Variants in NLRP3 observed in about 807,000 individuals in gnomAD.
NLRP3 encodes NACHT, LRR and PYD domains-containing protein 3.
Under a neutral mutation model 91.3 loss-of-function variants are expected in NLRP3, and 48 were observed. That is an observed-to-expected ratio of 0.53 (90% CI 0.42 to 0.67). The LOEUF (loss-of-function observed/expected upper bound fraction) is 0.67, where lower values mean the gene tolerates loss of function less well. NLRP3 is among the 30% of genes least tolerant of loss of function. NLRP3 has a pLI of 0.00. For missense variants in NLRP3, 982 were observed against 1,276.9 expected (o/e 0.77, Z 3.52); for synonymous variants, 561 against 507.9 (o/e 1.10, Z -1.41).
Position 247,434,268 on chromosome 1 carries a change from G to A in NLRP3, c.2487G>A (p.Lys829=). Residue 829 remains lysine, a synonymous_variant, in exon 6 of 10, where the codon AAG becomes AAA. Coordinates refer to ENST00000336119, the MANE Select transcript of NLRP3 (RefSeq NM_001243133.2). ...AGCACCTGTTGTGCAATCTGAAGAAGCTCTGGTGAGTCGAGCCCGTTCCCC... is the reference window on the plus strand; with the variant it reads ...AGCACCTGTTGTGCAATCTGAAGAAACTCTGGTGAGTCGAGCCCGTTCCCC... ...GLKHLLCNLK[K]LWLVSCCLTS... 5 of 1,614,202 alleles carry A rather than the reference G, an allele frequency of 3.1e-6. No homozygotes were observed. Among genetic ancestry groups the A allele is most frequent in the Non-Finnish European group, 4.2e-6 (5 of 1,180,014 alleles).
chr1:247,421,587 C>G (rs1288210784), intron 2 of NLRP3, among the ~76,000 whole-genome samples: 1 of 152,166 alleles, frequency 6.6e-6, no homozygotes, highest in Non-Finnish European at 1.5e-5. Context: ...TCAAGAAACC[C>G]ATGAAACAGC....
At chr1:247,443,333 G>A (rs547656078) in intron 7 of NLRP3, among the ~76,000 whole-genome samples, 51 of 152,152 alleles carry the variant, frequency 3.4e-4, no homozygotes, top group Non-Finnish European at 6.2e-4. Flanking sequence ...GGACTCAAGC[G>A]ATCCTCCCAC....
intron 7 of NLRP3, among the ~76,000 whole-genome samples, chr1:247,439,045 C>CATCCATCCGTCCATCT (rs1664018561): frequency 6.6e-6 from 1 of 150,376 alleles, no homozygotes; most frequent in Non-Finnish European, 1.5e-5. Flanking sequence ...TCCATCCATC[C>CATCCATCCGTCCATCT]ATCCATCCAT....
chr1:247,424,122 G>T lies in NLRP3; in HGVS notation c.673G>T (p.Ala225Ser), dbSNP rs1193199652. The T allele has an allele frequency of 9.3e-6, 15 of 1,614,014 alleles. No homozygotes were observed. Among genetic ancestry groups the T allele is most frequent in the Non-Finnish European group, 1.3e-5 (15 of 1,180,040 alleles). Residue 225 changes from alanine (A) to serine (S), a missense_variant, in exon 4 of 10, where the codon GCG (alanine) becomes TCG (serine). By Grantham distance (99) the Ala-to-Ser change is moderately conservative. This residue lies in a region of NLRP3 where 548 missense variants were observed against 713.7 expected (regional missense o/e 0.77). Transcript: ENST00000336119. The surrounding 1 kb of genome is among the most constrained non-coding windows in gnomAD (Gnocchi z 8.1). ...EPVHTVVFQG[A>S]AGIGKTILAR... is the part of the protein sequence containing the mutation. ...TGTGCACACCGTGGTGTTCCAGGGG[G>T]CGGCAGGGATTGGGAAAACAATCCT...
chr1:247,440,030 GTATAGCCTATGGGT>G (rs2103202623), intron 7 of NLRP3, among the ~76,000 whole-genome samples: 1 of 152,350 alleles, frequency 6.6e-6, no homozygotes, highest in South Asian at 2.1e-4. Context: ...TGTGTGTTAG[GTATAGCCTATGGGT>G]TAGGCATAGC....
chr1:247,417,341 C>A (rs1572148193), intron 1 of NLRP3, among the ~76,000 whole-genome samples: 3 of 152,286 alleles, frequency 2.0e-5, no homozygotes, highest in South Asian at 4.1e-4. Flanking sequence ...CCTCATAGAG[C>A]TCTGTGCAGG....
chr1:247,424,703 T>C lies in NLRP3; in HGVS notation c.1254T>C (p.Thr418=). 1 of 1,614,188 alleles carries C rather than the reference T, an allele frequency of 6.2e-7. No individual in the cohort carries two copies. Among genetic ancestry groups the C allele is most frequent in the Non-Finnish European group, 8.5e-7 (1 of 1,180,044 alleles). Residue 418 remains threonine (T), a synonymous_variant, in exon 4 of 10, where the codon ACT becomes ACC. Transcript: ENST00000336119. This position sits in a 1 kb window ranked among gnomAD's most constrained non-coding sequence, Gnocchi z 8.1. ...CCCTGGTCTGCTGGATCGTGTGCAC[T>C]GGACTGAAACAGCAGATGGAGAGTG... The part of the protein sequence containing the change: ...FIPLVCWIVC[T]GLKQQMESGK...
intron 9 of NLRP3, among the ~76,000 whole-genome samples, chr1:247,445,522 GAA>G (rs745715878): frequency 1.7e-4 from 26 of 152,278 alleles, no homozygotes; most frequent in Admixed American, 5.9e-4. Context: ...TTCTAAATGG[GAA>G]AAGAGTGCTC....
In NLRP3 at chr1:247,424,448, C is replaced by A. The variant is rs762774277; in HGVS notation, c.999C>A (p.Leu333=). Residue 333 remains leucine (L), a synonymous_variant, in exon 4 of 10, where the codon CTC becomes CTA. Coordinates refer to ENST00000336119, the MANE Select transcript of NLRP3 (RefSeq NM_001243133.2). The surrounding 1 kb of genome is among the most constrained non-coding windows in gnomAD (Gnocchi z 8.1). ...GGGGAGACATTCTCCTGAGCAGCCT[C>A]ATCAGAAAGAAGCTGCTTCCCGAGG... The part of the protein sequence containing the change: ...AERGDILLSS[L]IRKKLLPEAS... 6 of 1,614,186 alleles carry A rather than the reference C, an allele frequency of 3.7e-6. No homozygotes were observed. The Admixed American group carries it at 1.0e-4, about 27-fold the overall frequency.
intron 7 of NLRP3, among the ~76,000 whole-genome samples, chr1:247,439,045 C>CATCCATCCATCTATCCATCT (rs1553291701): frequency 1.3e-3 from 198 of 150,488 alleles, no homozygotes; most frequent in African/African-American, 4.7e-3. Context: ...TCCATCCATC[C>CATCCATCCATCTATCCATCT]ATCCATCCAT....
At position 247,434,173 on chromosome 1, in the gene NLRP3, C is replaced by A. The variant is rs756392002; in HGVS notation, c.2392C>A (p.Leu798Met). Residue 798 changes from leucine to methionine, a missense_variant, in exon 6 of 10, where the codon CTG becomes ATG. By Grantham distance (15) the Leu-to-Met change is conservative. Transcript: ENST00000336119. Reference protein sequence around the residue: ...ISLVLSSNQKLVELDLSDNAL... With the variant: ...ISLVLSSNQKMVELDLSDNAL... ...CTTGGTCCTCAGCAGCAACCAGAAGCTGGTGGAGCTGGACCTGAGTGACAA... is the reference window on the plus strand; with the variant it reads ...CTTGGTCCTCAGCAGCAACCAGAAGATGGTGGAGCTGGACCTGAGTGACAA... 5 of 1,614,132 alleles carry A rather than the reference C, an allele frequency of 3.1e-6. No homozygotes were observed. The East Asian group carries it at 8.9e-5, about 29-fold the overall frequency.
At chr1:247,448,228 G>C (rs1322401684) in intron 9 of NLRP3, among the ~76,000 whole-genome samples, 177 bp from the exon 10 acceptor site, 2 of 151,190 alleles carry the variant, frequency 1.3e-5, no homozygotes, top group African/African-American at 4.9e-5. Context: ...CGGCGGCGAC[G>C]GCGGCGAGGA....
intron 4 of NLRP3, 105 bp from the exon 5 acceptor site, chr1:247,429,480 G>A (rs1169407393): frequency 5.7e-5 from 73 of 1,275,004 alleles, no homozygotes; most frequent in Non-Finnish European, 7.3e-5. Context: ...CTTAATCCCC[G>A]GAAGGCATTT....
chr1:247,417,430 C>T (rs879285954), intron 1 of NLRP3, among the ~76,000 whole-genome samples: 6 of 152,010 alleles, frequency 3.9e-5, no homozygotes, highest in Non-Finnish European at 7.4e-5. Context: ...ATAACAATTG[C>T]GAATTTTGCA....
At chr1:247,446,930 T>C (rs1175837925) in intron 9 of NLRP3, among the ~76,000 whole-genome samples, 2 of 152,112 alleles carry the variant, frequency 1.3e-5, no homozygotes, top group Non-Finnish European at 2.9e-5. Flanking sequence ...CAAGCCAATA[T>C]TCCCAGAGCT....
Position 247,418,994 on chromosome 1 carries a change from C to T in NLRP3, c.194C>T (p.Ala65Val). ...LMIDFNGEEKAWAMAVWIFAA... is the reference protein window; with the variant it reads ...LMIDFNGEEKVWAMAVWIFAA... ...ATCGACTTCAATGGGGAGGAGAAGGCGTGGGCCATGGCCGTGTGGATCTTC... is the reference window on the plus strand; with the variant it reads ...ATCGACTTCAATGGGGAGGAGAAGGTGTGGGCCATGGCCGTGTGGATCTTC... The change falls in exon 2 of 10, where the codon GCG becomes GTG. Residue 65 changes from alanine (A) to valine (V), a missense_variant. Ala to Val is a moderately conservative substitution (Grantham distance 64). Coordinates refer to ENST00000336119, the MANE Select transcript of NLRP3 (RefSeq NM_001243133.2). The T allele has an allele frequency of 1.2e-6, 2 of 1,613,932 alleles. No individual in the cohort carries two copies. The highest frequency in any genetic ancestry group is 1.7e-6 in the Non-Finnish European group (2 of 1,180,004).
intron 5 of NLRP3, among the ~76,000 whole-genome samples, chr1:247,431,470 C>T (rs1348897681): frequency 1.3e-5 from 2 of 152,182 alleles, no homozygotes; most frequent in Non-Finnish European, 2.9e-5. Context: ...TTCCACTTTT[C>T]CTCGTCCTCA....
chr1:247,441,423 A>G (rs1031905445), intron 7 of NLRP3, among the ~76,000 whole-genome samples: 1 of 151,812 alleles, frequency 6.6e-6, no homozygotes, highest in Non-Finnish European at 1.5e-5. Flanking sequence ...AAAATGTTTA[A>G]AATTTTTTAT....
In NLRP3 at chr1:247,424,603, C is replaced by G; in HGVS notation, c.1154C>G (p.Ser385Cys). 1.2e-6 allele frequency: 2 copies of G among 1,614,250 alleles called. No homozygotes were observed. Among genetic ancestry groups the G allele is most frequent in the East Asian group, 2.2e-5 (1 of 44,888 alleles). The change falls in exon 4 of 10, where the codon TCT (serine) becomes TGT (cysteine). Residue 385 changes from serine to cysteine, a missense_variant. Physicochemically the swap from Ser to Cys is moderately radical, Grantham distance 112. This residue lies in a region of NLRP3 where 548 missense variants were observed against 713.7 expected (regional missense o/e 0.77). Coordinates refer to ENST00000336119, the MANE Select transcript of NLRP3 (RefSeq NM_001243133.2). This position sits in a 1 kb window ranked among gnomAD's most constrained non-coding sequence, Gnocchi z 8.1. Reference sequence around the variant, plus strand: ...AAAGAGTACTTCTTCAAGTACTTCTCTGATGAGGCCCAAGCCAGGGCAGCC... The same window carrying G: ...AAAGAGTACTTCTTCAAGTACTTCTGTGATGAGGCCCAAGCCAGGGCAGCC... ...KRKEYFFKYFSDEAQARAAFS... is the reference protein window; with the variant it reads ...KRKEYFFKYFCDEAQARAAFS...
Sources: gnomAD v4.1 joint callset for allele counts (sites outside exome capture counted in the v4.1 genomes callset) on GRCh38, gnomAD v4.1.1 for gene constraint, gnomAD v4.1.1 regional missense constraint, Gnocchi (gnomAD v3.1) non-coding constraint, MANE v1.5 for transcripts, NCBI Gene and HGNC (gene_info 2026-07-23, HGNC 2026-07-21) for gene names.